Variants in RNF220 observed in about 807,000 individuals in gnomAD.
RNF220 encodes the protein ring finger protein 220.
In RNF220, 7 loss-of-function variants were observed where a neutral mutation model predicts 67.1. The observed-to-expected ratio is 0.10, with a 90% confidence interval of 0.06 to 0.20. The LOEUF (loss-of-function observed/expected upper bound fraction) is 0.20, where lower values mean the gene tolerates loss of function less well. Ranked by LOEUF, RNF220 falls within the 10% of genes least tolerant of loss-of-function variation. The probability of loss-of-function intolerance (pLI) is 1.00; values close to 1 mark genes in which losing one functional copy is unlikely to be tolerated. For missense variants in RNF220, 565 were observed against 740.3 expected (o/e 0.76, Z 2.75); for synonymous variants, 270 against 283.2 (o/e 0.95, Z 0.47).
intron 2 of RNF220, among the ~76,000 whole-genome samples, chr1:44,581,579 C>T (rs1358414154): frequency 6.6e-6 from 1 of 152,202 alleles, no homozygotes; most frequent in Non-Finnish European, 1.5e-5. Context: ...CAGGACCAAA[C>T]CCTCAGTGTT....
At chr1:44,464,888 A>C (rs1217080022) in intron 2 of RNF220, among the ~76,000 whole-genome samples, 7 of 152,152 alleles carry the variant, frequency 4.6e-5, no homozygotes, top group Admixed American at 2.0e-4. Flanking sequence ...GCTGCCAGCT[A>C]TTATCCGTAT....
chr1:44,460,760 ACATGCT>A (rs1653686545), intron 2 of RNF220, among the ~76,000 whole-genome samples: 1 of 152,226 alleles, frequency 6.6e-6, no homozygotes, highest in African/African-American at 2.4e-5. Context: ...GTACAGCCTC[ACATGCT>A]AGCAATTCTA....
intron 2 of RNF220, among the ~76,000 whole-genome samples, chr1:44,522,739 A>AT (rs879653918): frequency 6.6e-6 from 1 of 152,146 alleles, no homozygotes; most frequent in African/African-American, 2.4e-5. Context: ...TAGTATACCC[A>AT]TTTTGGAAAG....
At chr1:44,411,932 C>A in intron 1 of RNF220, 49 bp from the exon 2 acceptor site, 2 of 723,986 alleles carry the variant, frequency 2.8e-6, no homozygotes, top group Non-Finnish European at 4.4e-6. Flanking sequence ...TTTTTTTCCT[C>A]CCCCTGACTT....
intron 2 of RNF220, among the ~76,000 whole-genome samples, chr1:44,558,140 G>A (rs1663265127): frequency 6.6e-6 from 1 of 152,364 alleles, no homozygotes; most frequent in Non-Finnish European, 1.5e-5. Context: ...GCAGAGTTGA[G>A]CACTGGAGAG....
At chr1:44,492,508 C>T (rs1272839246) in intron 2 of RNF220, among the ~76,000 whole-genome samples, 1 of 152,182 alleles carries the variant, frequency 6.6e-6, no homozygotes, top group Non-Finnish European at 1.5e-5. Flanking sequence ...AAGGTGGAAG[C>T]AACCCAAATA....
intron 5 of RNF220, among the ~76,000 whole-genome samples, chr1:44,628,565 C>T (rs922899238): frequency 6.6e-6 from 1 of 152,186 alleles, no homozygotes; most frequent in Non-Finnish European, 1.5e-5. Context: ...AGGTTGTGTC[C>T]TACAAGATAA....
At chr1:44,504,652 C>G (rs1259105044) in intron 2 of RNF220, among the ~76,000 whole-genome samples, 1 of 152,100 alleles carries the variant, frequency 6.6e-6, no homozygotes, top group African/African-American at 2.4e-5. Flanking sequence ...GTCCCCTCTT[C>G]CATATCTGAT....
chr1:44,458,455 G>A (rs1352710651), intron 2 of RNF220, among the ~76,000 whole-genome samples: 2 of 150,388 alleles, frequency 1.3e-5, no homozygotes, highest in Non-Finnish European at 3.0e-5. Context: ...TAGCCTTTTT[G>A]TGCCTCAGTT....
chr1:44,502,949 T>G (rs942333976), intron 2 of RNF220, among the ~76,000 whole-genome samples: 1 of 152,058 alleles, frequency 6.6e-6, no homozygotes, highest in Non-Finnish European at 1.5e-5. Flanking sequence ...CTATTTTTAT[T>G]TTTGGAGAGA....
intron 2 of RNF220, among the ~76,000 whole-genome samples, chr1:44,440,649 A>C (rs1651452452): frequency 6.6e-6 from 1 of 152,132 alleles, no homozygotes; most frequent in African/African-American, 2.4e-5. Context: ...TGATGCCAAA[A>C]ATCTGTGCTC....
At chr1:44,607,735 C>T (rs1032511487) in intron 2 of RNF220, among the ~76,000 whole-genome samples, 1 of 151,932 alleles carries the variant, frequency 6.6e-6, no homozygotes, top group African/African-American at 2.4e-5. Flanking sequence ...GTGATCCGCC[C>T]GCCTCGGCCT....
chr1:44,627,370 A>AAAC (rs1643988472), intron 5 of RNF220, among the ~76,000 whole-genome samples: 2 of 142,002 alleles, frequency 1.4e-5, no homozygotes, highest in East Asian at 2.0e-4. Context: ...AAAAAAAAAA[A>AAAC]GCGTGATACC....
chr1:44,575,115 A>C (rs1305980084), intron 2 of RNF220, among the ~76,000 whole-genome samples: 1 of 152,188 alleles, frequency 6.6e-6, no homozygotes, highest in Non-Finnish European at 1.5e-5. Context: ...TCCTTCCATT[A>C]GAACTTATTC....
chr1:44,596,762 T>G (rs1005604242), intron 2 of RNF220, among the ~76,000 whole-genome samples: 1 of 152,164 alleles, frequency 6.6e-6, no homozygotes, highest in Non-Finnish European at 1.5e-5. Context: ...TAGGCAGCAG[T>G]GAGCCTCCCC....
At chr1:44,540,269 G>T (rs1164832846) in intron 2 of RNF220, among the ~76,000 whole-genome samples, 1 of 152,156 alleles carries the variant, frequency 6.6e-6, no homozygotes, top group Non-Finnish European at 1.5e-5. Flanking sequence ...GACGGCTGCT[G>T]CCCAAAGGAG....
At chr1:44,568,623 C>T (rs1211597901) in intron 2 of RNF220, among the ~76,000 whole-genome samples, 1 of 152,152 alleles carries the variant, frequency 6.6e-6, no homozygotes, top group African/African-American at 2.4e-5. Flanking sequence ...TCTCTGTAGT[C>T]CTTGCCCTCC....
intron 2 of RNF220, among the ~76,000 whole-genome samples, chr1:44,516,006 T>A (rs1480674577): frequency 1.3e-5 from 2 of 152,222 alleles, no homozygotes; most frequent in African/African-American, 4.8e-5. Context: ...AACCTTCAGA[T>A]CTGCCTCCCT....
chr1:44,553,832 G>A (rs1424301126), intron 2 of RNF220, among the ~76,000 whole-genome samples: 2 of 152,182 alleles, frequency 1.3e-5, no homozygotes, highest in African/African-American at 4.8e-5. Flanking sequence ...GTACTTCAGA[G>A]CTAGCAACGA....
Sources: allele counts gnomAD v4.1 joint callset (sites outside exome capture counted in the v4.1 genomes callset), GRCh38; gene constraint gnomAD v4.1.1; transcripts MANE v1.5; gene names NCBI Gene and HGNC (gene_info 2026-07-23, HGNC 2026-07-21).